Variants in MCTP2 observed in about 807,000 individuals in gnomAD.
MCTP2 encodes the protein multiple C2 and transmembrane domain containing 2, also known as multiple C2 and transmembrane domain-containing protein 2.
In MCTP2, 132 loss-of-function variants were observed where a neutral mutation model predicts 111.6. That is an observed-to-expected ratio of 1.18 (90% CI 1.03 to 1.37). The LOEUF is 1.37. Ranked by LOEUF, MCTP2 falls within the 40% of genes most tolerant of loss-of-function variation. MCTP2 has a pLI of 0.00. For synonymous variants in MCTP2, 395 were observed against 387.7 expected, an observed-to-expected ratio of 1.02 and a Z score of -0.22; for missense variants, 1,183 against 1,067.9, an observed-to-expected ratio of 1.11 and a Z score of -1.50.
At chr15:94,329,218 C>G (rs2077027519) in intron 4 of MCTP2, among the ~76,000 whole-genome samples, 2 of 152,044 alleles carry the variant, frequency 1.3e-5, no homozygotes, top group South Asian at 2.1e-4. Context: ...AGTTCTGAAG[C>G]CTTTAGAGTG....
chr15:94,457,589 CT>C (rs2084915767), intron 19 of MCTP2, among the ~76,000 whole-genome samples: 1 of 152,114 alleles, frequency 6.6e-6, no homozygotes, highest in African/African-American at 2.4e-5. Context: ...CAGCTGCTTG[CT>C]TTGTTTCTGA....
chr15:94,257,562 C>CTTTTTTTTTTTTT (rs2072864108), intron 1 of MCTP2, among the ~76,000 whole-genome samples: 1 of 42,140 alleles, frequency 2.4e-5, no homozygotes, highest in Non-Finnish European at 4.6e-5. Context: ...TTGTCATTTT[C>CTTTTTTTTTTTTT]TTTGTTGTTT....
intron 6 of MCTP2, 67 bp from the exon 7 acceptor site, chr15:94,340,746 T>C: frequency 1.1e-6 from 1 of 931,122 alleles, no homozygotes. Flanking sequence ...CATAAGCTCC[T>C]GATGCGTGTA....
chr15:94,479,122 G>T lies in MCTP2; in HGVS notation c.*88G>T, dbSNP rs1685399293. 7.4e-7 allele frequency: 1 copy of T among 1,342,898 alleles called. No homozygotes were observed. The highest frequency in any genetic ancestry group is 1.1e-6 in the Non-Finnish European group (1 of 935,582). 83.2% of individuals were successfully genotyped at this position (1,342,898 alleles called of 1,614,324 possible). A position where few individuals can be genotyped will look rare whatever the true frequency, so the allele number is the denominator to read the frequency against. ...TGGCTGTTTCAGTGGTACCCAAGGT[G>T]TCCTTCTGAAATGCATGCCCTGTGG... On this transcript the variant is annotated 3_prime_UTR_variant, in exon 23 of 23. Transcript: ENST00000357742.
chr15:94,293,510 G>A (rs1225378494), intron 1 of MCTP2, among the ~76,000 whole-genome samples: 6 of 152,128 alleles, frequency 3.9e-5, no homozygotes, highest in Non-Finnish European at 8.8e-5. Context: ...GATAATACTG[G>A]GTTTTTCAGT....
At chr15:94,299,039 C>CCCCCTT (rs1459122388) in intron 2 of MCTP2, among the ~76,000 whole-genome samples, 115 of 129,598 alleles carry the variant, frequency 8.9e-4, no homozygotes, top group African/African-American at 3.3e-3. Context: ...CCCTCCCCCT[C>CCCCCTT]CCCCTTCCCC....
At chr15:94,358,140 G>A (rs1458159669) in intron 9 of MCTP2, among the ~76,000 whole-genome samples, 1 of 152,212 alleles carries the variant, frequency 6.6e-6, no homozygotes, top group Non-Finnish European at 1.5e-5. Flanking sequence ...TAAGCAATTA[G>A]TGTGATGTCC....
At position 94,483,903 on chromosome 15, in the gene MCTP2, G is replaced by A. The variant is rs996665480; in HGVS notation, c.*4869G>A. 2 of 152,144 alleles carry A rather than the reference G, an allele frequency of 1.3e-5. No individual in the cohort carries two copies. The highest frequency in any genetic ancestry group is 4.8e-5 in the African/African-American group (2 of 41,412). The allele number at this position is 152,144 out of a possible 1,614,324, so 9.4% of individuals were successfully genotyped here. A position where few individuals can be genotyped will look rare whatever the true frequency, so the allele number is the denominator to read the frequency against. On this transcript the variant is annotated 3_prime_UTR_variant, in exon 23 of 23. Coordinates refer to ENST00000357742, the MANE Select transcript of MCTP2 (RefSeq NM_001385001.1). ...CTCTCATTTATGTATTAGGAATCTT[G>A]TGACAACGGAACAGTTGAAAAATTA...
intron 7 of MCTP2, among the ~76,000 whole-genome samples, chr15:94,344,234 G>A (rs2077833376): frequency 6.6e-6 from 1 of 152,206 alleles, no homozygotes; most frequent in African/African-American, 2.4e-5. Context: ...TGCAATGTAA[G>A]TGGATTTCCC....
intron 20 of MCTP2, among the ~76,000 whole-genome samples, chr15:94,468,671 G>T (rs1481346943): frequency 6.6e-6 from 1 of 152,188 alleles, no homozygotes; most frequent in African/African-American, 2.4e-5. Context: ...GTCTCACTCT[G>T]TTGCCCAGGC....
intron 21 of MCTP2, among the ~76,000 whole-genome samples, chr15:94,472,590 G>A (rs947453373): frequency 1.3e-5 from 2 of 152,098 alleles, no homozygotes; most frequent in Non-Finnish European, 1.5e-5. Flanking sequence ...GTTATTAAAT[G>A]GTATGGAGTT....
chr15:94,402,815 C>T, intron 17 of MCTP2: 1 of 1,352,834 alleles, frequency 7.4e-7, no homozygotes, highest in Non-Finnish European at 9.5e-7. Flanking sequence ...CTGTCCTGTG[C>T]AAAGATCACT....
chr15:94,273,952 G>A, intron 1 of MCTP2: 1 of 230,010 alleles, frequency 4.3e-6, no homozygotes, highest in Non-Finnish European at 9.6e-6. Context: ...TTGACAAGTT[G>A]GAAAAGAGAC....
Position 94,352,253 on chromosome 15 carries a change from G to C in MCTP2, c.1006-3884G>C, listed in dbSNP as rs1329849683. 9.2e-5 allele frequency among the ~76,000 whole-genome samples: 14 copies of C among 152,292 alleles called. No homozygotes were observed. The South Asian group carries it at 1.0e-3, about 11-fold the overall frequency. ...AAAGTTTCTCCCCTTCCTGCCTCGG[G>C]ATGGTCTTGAACGAGAAGTAAATTA... is the stretch of plus-strand genomic sequence containing the variant. On this transcript the variant is annotated intron_variant, in intron 8 of 22. Coordinates refer to ENST00000357742, the MANE Select transcript of MCTP2 (RefSeq NM_001385001.1).
At chr15:94,468,068 G>A (rs557008403) in intron 20 of MCTP2, among the ~76,000 whole-genome samples, 56 of 151,470 alleles carry the variant, frequency 3.7e-4, no homozygotes, top group African/African-American at 1.3e-3. Context: ...TAATTTTTAT[G>A]TTAATCATAA....
chr15:94,433,093 G>T (rs921637605), intron 17 of MCTP2, among the ~76,000 whole-genome samples: 1 of 152,128 alleles, frequency 6.6e-6, no homozygotes, highest in Non-Finnish European at 1.5e-5. Flanking sequence ...GGATTTGTTA[G>T]ATTTGTTCAA....
rs114296843 is a variant in MCTP2, at chr15:94,301,259, G to A, written c.465+2529G>A. Among the ~76,000 whole-genome samples, 1,030 of 152,218 alleles carry A rather than the reference G, an allele frequency of 6.8e-3. 17 individuals are homozygous for A. Among genetic ancestry groups the A allele is most frequent in the African/African-American group, 0.023 (975 of 41,520 alleles). On this transcript the variant is annotated intron_variant, in intron 2 of 22. Coordinates refer to ENST00000357742, the MANE Select transcript of MCTP2 (RefSeq NM_001385001.1). ...GGTGGCATGCTTGCAGAGGACGGAGGGACGGGAGTGCGGCTGATCAGACCC... is the reference window on the plus strand; with the variant it reads ...GGTGGCATGCTTGCAGAGGACGGAGAGACGGGAGTGCGGCTGATCAGACCC...
chr15:94,473,055 T>C (rs1476954505), intron 21 of MCTP2, among the ~76,000 whole-genome samples: 1 of 135,938 alleles, frequency 7.4e-6, no homozygotes, highest in Non-Finnish European at 1.7e-5. Flanking sequence ...AATGTTTTGT[T>C]CTATGTTTTT....
At chr15:94,447,340 C>A (rs911238135) in intron 19 of MCTP2, among the ~76,000 whole-genome samples, 1 of 152,140 alleles carries the variant, frequency 6.6e-6, no homozygotes, top group Non-Finnish European at 1.5e-5. Context: ...TCTTAACAAT[C>A]TAACAATGAG....
Sources: allele counts gnomAD v4.1 joint callset (sites outside exome capture counted in the v4.1 genomes callset), GRCh38; gene constraint gnomAD v4.1.1; transcripts MANE v1.5; gene names NCBI Gene and HGNC (gene_info 2026-07-23, HGNC 2026-07-21).